Variants in DYNC1I1 observed in about 807,000 individuals in gnomAD.
DYNC1I1 encodes dynein cytoplasmic 1 intermediate chain 1, also known as cytoplasmic dynein 1 intermediate chain 1.
Under a neutral mutation model 86.6 loss-of-function variants are expected in DYNC1I1, and 43 were observed. The ratio of observed to expected loss-of-function variants is 0.50; its 90% CI spans 0.39 to 0.64. The LOEUF is 0.64. DYNC1I1 is among the 30% of genes least tolerant of loss of function. DYNC1I1 has a pLI of 0.00. For missense variants in DYNC1I1, 604 were observed against 788.8 expected, an observed-to-expected ratio of 0.77 and a Z score of 2.81; for synonymous variants, 262 against 283.7, an observed-to-expected ratio of 0.92 and a Z score of 0.77.
chr7:96,045,723 C>G (rs1429037049), intron 14 of DYNC1I1, among the ~76,000 whole-genome samples: 1 of 152,044 alleles, frequency 6.6e-6, no homozygotes, highest in African/African-American at 2.4e-5. Flanking sequence ...AGTAGCTTCC[C>G]ATGAGAAGGC....
At chr7:96,063,711 A>T (rs1167905745) in intron 14 of DYNC1I1, among the ~76,000 whole-genome samples, 1 of 152,236 alleles carries the variant, frequency 6.6e-6, no homozygotes, top group Non-Finnish European at 1.5e-5. Flanking sequence ...CTCCACAAAC[A>T]ACAGTCTCAT....
intron 6 of DYNC1I1, among the ~76,000 whole-genome samples, chr7:95,934,606 A>G (rs1424524767): frequency 6.6e-6 from 1 of 152,088 alleles, no homozygotes; most frequent in Non-Finnish European, 1.5e-5. Context: ...TCATTGTAAA[A>G]CACCAAAGTC....
At chr7:96,030,330 T>TTGTG (rs200496803) in intron 11 of DYNC1I1, among the ~76,000 whole-genome samples, 2,992 of 135,426 alleles carry the variant, frequency 0.022, 54 homozygotes, top group Middle Eastern at 0.047. Flanking sequence ...AATGGTAGAG[T>TTGTG]TGTGTGTGTG....
intron 1 of DYNC1I1, among the ~76,000 whole-genome samples, chr7:95,785,215 C>T (rs1794096957): frequency 6.6e-6 from 1 of 152,066 alleles, no homozygotes. Flanking sequence ...AGTTCGAGAC[C>T]AGCCTGGACA....
intron 6 of DYNC1I1, among the ~76,000 whole-genome samples, chr7:95,913,236 C>T (rs924486750): frequency 1.3e-5 from 2 of 152,216 alleles, no homozygotes; most frequent in Non-Finnish European, 2.9e-5. Flanking sequence ...TTTTAGTTCT[C>T]TTGAAATTTC....
At chr7:96,079,710 T>C (rs955152136) in intron 15 of DYNC1I1, among the ~76,000 whole-genome samples, 1 of 152,090 alleles carries the variant, frequency 6.6e-6, no homozygotes, top group Non-Finnish European at 1.5e-5. Context: ...AGTGCCAAAG[T>C]TGTGGATCGC....
intron 12 of DYNC1I1, among the ~76,000 whole-genome samples, chr7:96,033,731 A>G (rs1187845961): frequency 1.3e-5 from 2 of 152,156 alleles, no homozygotes. Context: ...ATAAGGAGAC[A>G]GGGCACGGTG....
intron 6 of DYNC1I1, among the ~76,000 whole-genome samples, chr7:95,875,860 T>G (rs1412808638): frequency 6.6e-6 from 1 of 152,220 alleles, no homozygotes; most frequent in African/African-American, 2.4e-5. Flanking sequence ...TAGTCTCCTC[T>G]CAGCTGTCAT....
chr7:96,077,239 TTGTGTGTGTGTGTGTGTGTGTG>T (rs3047672), intron 15 of DYNC1I1, among the ~76,000 whole-genome samples: 1 of 144,434 alleles, frequency 6.9e-6, no homozygotes, highest in African/African-American at 2.6e-5. Flanking sequence ...TCCCTAGTAT[TTGTGTGTGTGTGTGTGTGTGTG>T]TGTGTGTGTG....
intron 16 of DYNC1I1, among the ~76,000 whole-genome samples, chr7:96,096,531 T>G (rs530383649): frequency 6.6e-6 from 1 of 152,266 alleles, no homozygotes; most frequent in East Asian, 1.9e-4. Context: ...CTCAAATTTT[T>G]TTTTCTATCC....
At chr7:96,095,683 G>C (rs1790981744) in intron 16 of DYNC1I1, among the ~76,000 whole-genome samples, 1 of 152,038 alleles carries the variant, frequency 6.6e-6, no homozygotes, top group South Asian at 2.1e-4. Context: ...GGCTTGCTCA[G>C]CGGTTGGAAG....
At chr7:96,050,295 A>G (rs747426627) in intron 14 of DYNC1I1, among the ~76,000 whole-genome samples, 5 of 152,208 alleles carry the variant, frequency 3.3e-5, no homozygotes, top group Non-Finnish European at 5.9e-5. Context: ...TTCACTTTGC[A>G]TAGCTAAATG....
At chr7:96,086,192 T>C (rs921986306) in intron 16 of DYNC1I1, among the ~76,000 whole-genome samples, 1 of 152,224 alleles carries the variant, frequency 6.6e-6, no homozygotes, top group Non-Finnish European at 1.5e-5. Context: ...CAGATGCAGC[T>C]GTCATAAATA....
At chr7:96,047,954 G>A (rs374333917) in intron 14 of DYNC1I1, among the ~76,000 whole-genome samples, 5 of 152,248 alleles carry the variant, frequency 3.3e-5, no homozygotes, top group African/African-American at 1.2e-4. Context: ...GGGAGAAGAG[G>A]CAGGATATTG....
At chr7:96,097,427 G>T in intron 16 of DYNC1I1, 56 bp from the exon 17 acceptor site, 3 of 1,594,412 alleles carry the variant, frequency 1.9e-6, no homozygotes, top group Non-Finnish European at 2.6e-6. Context: ...AGGCTTCAAG[G>T]CTTTCAGACA....
chr7:95,791,169 T>G (rs1584225676), intron 1 of DYNC1I1, among the ~76,000 whole-genome samples: 2 of 152,234 alleles, frequency 1.3e-5, no homozygotes, highest in Non-Finnish European at 2.9e-5. Flanking sequence ...AAATTATTCC[T>G]TCATTGTGAT....
At chr7:95,920,326 C>T (rs953506702) in intron 6 of DYNC1I1, among the ~76,000 whole-genome samples, 5 of 152,124 alleles carry the variant, frequency 3.3e-5, no homozygotes, top group Admixed American at 6.5e-5. Context: ...GAGAAAATAC[C>T]TGACCTGTTT....
At chr7:96,013,870 G>T (rs1265577292) in intron 10 of DYNC1I1, among the ~76,000 whole-genome samples, 1 of 152,114 alleles carries the variant, frequency 6.6e-6, no homozygotes, top group Admixed American at 6.5e-5. Flanking sequence ...CAACTCCAAA[G>T]GATCCATTTT....
intron 6 of DYNC1I1, among the ~76,000 whole-genome samples, chr7:95,898,983 A>T (rs913374692): frequency 2.0e-5 from 3 of 152,226 alleles, no homozygotes; most frequent in Non-Finnish European, 4.4e-5. Flanking sequence ...TGAAAACTCA[A>T]TCTGGCATTT....
Sources: allele counts gnomAD v4.1 joint callset (sites outside exome capture counted in the v4.1 genomes callset), GRCh38; gene constraint gnomAD v4.1.1; transcripts MANE v1.5; gene names NCBI Gene and HGNC (gene_info 2026-07-23, HGNC 2026-07-21).